Variants in OR9K2 observed in about 807,000 individuals in gnomAD.
OR9K2 encodes the protein olfactory receptor family 9 subfamily K member 2, also known as olfactory receptor 9K2.
In OR9K2, 16 loss-of-function variants were observed where a neutral mutation model predicts 12.4. The observed-to-expected ratio is 1.29, with a 90% CI of 0.87 to 1.95. The LOEUF is 1.95. Among genes scored for constraint, OR9K2 ranks in the 30% most tolerant of loss-of-function variants. OR9K2 has a pLI of 0.00. For missense variants in OR9K2, 434 were observed against 376.5 expected, an observed-to-expected ratio of 1.15 and a Z score of -1.26; for synonymous variants, 133 against 133.2, an observed-to-expected ratio of 1.00 and a Z score of 0.01.
At chr12:55,127,419 A>G (rs564957555) in intron 2 of OR9K2, among the ~76,000 whole-genome samples, 2 of 152,084 alleles carry the variant, frequency 1.3e-5, no homozygotes, top group African/African-American at 4.8e-5. Flanking sequence ...TGCTGACTTC[A>G]GTCAGCTTTC....
chr12:55,129,559 G>A, intron 2 of OR9K2: 2 of 538,780 alleles, frequency 3.7e-6, no homozygotes, highest in South Asian at 5.8e-5. Context: ...TTGGAAATGT[G>A]AAAGGCATTT....
rs1307181690 is a variant in OR9K2 at position 55,130,776 on chromosome 12, A to G, written c.942A>G (p.Ter314TrpextTer54). 4 of 1,490,392 alleles carry G rather than the reference A, an allele frequency of 2.7e-6. No individual in the cohort carries two copies. The South Asian group carries it at 4.9e-5, about 18-fold the overall frequency. The allele number at this position is 1,490,392 out of a possible 1,614,324, so 92.3% of individuals were successfully genotyped here. ...KFLEKKNIIL[*>W] is the part of the protein sequence containing the mutation. ...TAGAGAAGAAAAATATTATTCTTTG[A>G]TTATTATTTCTCTTTCACCAATTTT... The change falls in exon 3 of 3, where the codon TGA (stop) becomes TGG (tryptophan). Residue 314 changes from the stop codon to tryptophan (W), a stop_lost. Transcript: ENST00000641329.
At chr12:55,127,808 C>T (rs930765555) in intron 2 of OR9K2, among the ~76,000 whole-genome samples, 1 of 151,992 alleles carries the variant, frequency 6.6e-6, no homozygotes, top group Non-Finnish European at 1.5e-5. Context: ...TAATGGCTAA[C>T]ATTTACTGAA....
chr12:55,130,896 C>T lies in OR9K2; in HGVS notation c.*120C>T, dbSNP rs1390431945. 2 of 628,584 alleles carry T rather than the reference C, an allele frequency of 3.2e-6. No homozygotes were observed. The highest frequency in any genetic ancestry group is 3.2e-5 in the Admixed American group (1 of 31,716). The allele number at this position is 628,584 out of a possible 1,614,324, so 38.9% of individuals were successfully genotyped here. ...CTCTTAGATGTTTTCATGTGATGTG[C>T]TCTTTCCATATTTTACTTTTTTACC... is the stretch of plus-strand genomic sequence containing the variant. On this transcript the variant is annotated 3_prime_UTR_variant, in exon 3 of 3. Coordinates refer to ENST00000641329, the MANE Select transcript of OR9K2 (RefSeq NM_001005243.2).
chr12:55,128,398 T>C (rs1446107849), intron 2 of OR9K2, among the ~76,000 whole-genome samples: 2 of 151,572 alleles, frequency 1.3e-5, no homozygotes, highest in African/African-American at 4.8e-5. Context: ...TTAAAGTTGA[T>C]ATAGTACAGT....
rs1953474255 is a variant in OR9K2 at position 55,131,656 on chromosome 12, CT to C, written c.*884del. Reference sequence around the variant, plus strand: ...GGGCTCAGGGATAAATAACCTCATTCTTTTGAAAGTTTAAAAGTTAGTGAGA... The same window carrying C: ...GGGCTCAGGGATAAATAACCTCATTCTTTGAAAGTTTAAAAGTTAGTGAGA... On this transcript the variant is annotated 3_prime_UTR_variant, in exon 3 of 3. Coordinates refer to ENST00000641329, the MANE Select transcript of OR9K2 (RefSeq NM_001005243.2). 6.6e-6 allele frequency: 1 copy of C among 152,092 alleles called. No individual in the cohort carries two copies. The highest frequency in any genetic ancestry group is 1.9e-4 in the East Asian group (1 of 5,198). 9.4% of individuals were successfully genotyped at this position (152,092 alleles called of 1,614,324 possible).
chr12:55,130,709 C>T lies in OR9K2; in HGVS notation c.875C>T (p.Ser292Phe), dbSNP rs756566240. The change falls in exon 3 of 3, where the codon TCT becomes TTT. Residue 292 changes from serine to phenylalanine, a missense_variant. By Grantham distance (155) the Ser-to-Phe change is radical (BLOSUM62 -2). Coordinates refer to ENST00000641329, the MANE Select transcript of OR9K2 (RefSeq NM_001005243.2). ...VTPMLNPLIY[S>F]LRNKDVQEAL... ...CCCATGTTGAATCCTTTGATTTACTCTCTGAGGAACAAAGATGTCCAAGAG... is the reference window on the plus strand; with the variant it reads ...CCCATGTTGAATCCTTTGATTTACTTTCTGAGGAACAAAGATGTCCAAGAG... 3.7e-6 allele frequency: 6 copies of T among 1,609,394 alleles called. No individual in the cohort carries two copies. In the South Asian group the frequency reaches 5.5e-5, roughly 15 times the overall value.
chr12:55,129,788 G>A (rs759332106), intron 2 of OR9K2, 38 bp from the exon 3 acceptor site: 4 of 1,595,528 alleles, frequency 2.5e-6, no homozygotes, highest in Non-Finnish European at 3.4e-6. Context: ...TCCAAACCAA[G>A]AGTTCATTTG....
At position 55,131,186 on chromosome 12, in the gene OR9K2, T is replaced by A. The variant is rs1406016848; in HGVS notation, c.*410T>A. On this transcript the variant is annotated 3_prime_UTR_variant, in exon 3 of 3. Transcript: ENST00000641329. The stretch of plus-strand genomic sequence containing the variant: ...TAGTTGACAAAGATGCCCAGATTAT[T>A]TTTAAATAAAATATGTCTTTAATTT... 6.5e-6 allele frequency: 1 copy of A among 154,324 alleles called. No individual in the cohort carries two copies. Among genetic ancestry groups the A allele is most frequent in the African/African-American group, 2.4e-5 (1 of 41,492 alleles). The allele number at this position is 154,324 out of a possible 1,614,324, so 9.6% of individuals were successfully genotyped here. A position where few individuals can be genotyped will look rare whatever the true frequency, so the allele number is the denominator to read the frequency against.
rs374739232 is a variant in OR9K2 at position 55,128,807 on chromosome 12, T to C, written c.-9-1019T>C. Among the ~76,000 whole-genome samples, 4 of 152,258 alleles carry C rather than the reference T, an allele frequency of 2.6e-5. No homozygotes were observed. The East Asian group carries it at 5.8e-4, about 22-fold the overall frequency. On this transcript the variant is annotated intron_variant, in intron 2 of 2. Coordinates refer to ENST00000641329, the MANE Select transcript of OR9K2 (RefSeq NM_001005243.2). ...GTTGTATTCAGGGCAAATAAAAGTG[T>C]AATCAGCAATGCCCCCATATGTATC...
In OR9K2 at chr12:55,132,496, TCAA is replaced by T; in HGVS notation, c.*1724_*1726del. ...CACAGAACATCAGTCATGTGAAGAA[TCAA>T]CAAGAGGGCAGCCATCTGCAAGCTA... On this transcript the variant is annotated 3_prime_UTR_variant, in exon 3 of 3. Coordinates refer to ENST00000641329, the MANE Select transcript of OR9K2 (RefSeq NM_001005243.2). 6.6e-6 allele frequency: 1 copy of T among 152,330 alleles called. No individual in the cohort carries two copies. Among genetic ancestry groups the T allele is most frequent in the Middle Eastern group, 3.4e-3 (1 of 294 alleles). 9.4% of individuals were successfully genotyped at this position (152,330 alleles called of 1,614,324 possible).
chr12:55,130,264 T>G lies in OR9K2; in HGVS notation c.430T>G (p.Cys144Gly). The change falls in exon 3 of 3, where the codon TGT becomes GGT. Residue 144 changes from cysteine (C) to glycine (G), a missense_variant. Transcript: ENST00000641329. ...LYSVQMSTRL[C>G]TQLVAGSYFC... is the part of the protein sequence containing the mutation. ...CTCTGTTCAAATGTCCACACGTCTG[T>G]GTACTCAGTTGGTGGCTGGTTCCTA... The G allele has an allele frequency of 6.2e-7, 1 of 1,614,084 alleles. No homozygotes were observed. The highest frequency in any genetic ancestry group is 8.5e-7 in the Non-Finnish European group (1 of 1,179,980).
In OR9K2 at chr12:55,130,107, A is replaced by T. The variant is rs1177205301; in HGVS notation, c.273A>T (p.Glu91Asp). 1 of 1,613,486 alleles carries T rather than the reference A, an allele frequency of 6.2e-7. No individual in the cohort carries two copies. Among genetic ancestry groups the T allele is most frequent in the Non-Finnish European group, 8.5e-7 (1 of 1,179,970 alleles). ...AGGCTATGATCAACTTCTGGTCTGA[A>T]AACAAGTCTATCTCCTTTGCAGGCT... ...EPKAMINFWS[E>D]NKSISFAGCV... The change falls in exon 3 of 3, where the codon GAA becomes GAT. Residue 91 changes from glutamate (E) to aspartate (D), a missense_variant. Coordinates refer to ENST00000641329, the MANE Select transcript of OR9K2 (RefSeq NM_001005243.2).
At chr12:55,128,690 G>C (rs1378471048) in intron 2 of OR9K2, among the ~76,000 whole-genome samples, 4 of 152,068 alleles carry the variant, frequency 2.6e-5, no homozygotes, top group Non-Finnish European at 1.5e-5. Flanking sequence ...TGCACATAAA[G>C]CCCTTAGGAC....
At position 55,130,732 on chromosome 12, in the gene OR9K2, G is replaced by C; in HGVS notation, c.898G>C (p.Glu300Gln). ...CTCTCTGAGGAACAAAGATGTCCAA[G>C]AGGCTCTAAAAAAATTTCTAGAGAA... Reference protein sequence around the residue: ...IYSLRNKDVQEALKKFLEKKN... With the variant: ...IYSLRNKDVQQALKKFLEKKN... The change falls in exon 3 of 3, where the codon GAG becomes CAG. Residue 300 changes from glutamate to glutamine, a missense_variant. By Grantham distance (29) the Glu-to-Gln change is conservative. Coordinates refer to ENST00000641329, the MANE Select transcript of OR9K2 (RefSeq NM_001005243.2). The C allele has an allele frequency of 6.3e-7, 1 of 1,587,898 alleles. No homozygotes were observed. The highest frequency in any genetic ancestry group is 8.6e-7 in the Non-Finnish European group (1 of 1,168,384).
At chr12:55,127,719 T>C (rs1247215131) in intron 2 of OR9K2, among the ~76,000 whole-genome samples, 1 of 152,028 alleles carries the variant, frequency 6.6e-6, no homozygotes, top group East Asian at 1.9e-4. Context: ...AAAACGACCA[T>C]ATATATTATT....
rs1301349999 is a variant in OR9K2 at position 55,130,017 on chromosome 12, A to G, written c.183A>G (p.Pro61=). ...IIMTDPRLNT[P]MYFFLGNLSF... Reference sequence around the variant, plus strand: ...TGACTGATCCTCGGCTGAACACACCAATGTATTTTTTCCTAGGCAATCTCT... The same window carrying G: ...TGACTGATCCTCGGCTGAACACACCGATGTATTTTTTCCTAGGCAATCTCT... Residue 61 remains proline (P), a synonymous_variant, in exon 3 of 3, where the codon CCA becomes CCG. Transcript: ENST00000641329. 7.4e-6 allele frequency: 12 copies of G among 1,613,450 alleles called. No homozygotes were observed. The Admixed American group carries it at 1.5e-4, about 20-fold the overall frequency.
At position 55,132,396 on chromosome 12, in the gene OR9K2, C is replaced by T. The variant is rs760430476; in HGVS notation, c.*1620C>T. 3.7e-4 allele frequency: 56 copies of T among 152,190 alleles called. No individual in the cohort carries two copies. The highest frequency in any genetic ancestry group is 1.2e-3 in the African/African-American group (49 of 41,436). 9.4% of individuals were successfully genotyped at this position (152,190 alleles called of 1,614,324 possible). The stretch of plus-strand genomic sequence containing the variant: ...GTTAAAATAAGGCTGTAAGATAAAT[C>T]CTAATTCAGTATCATTTGTGTCCCT... On this transcript the variant is annotated 3_prime_UTR_variant, in exon 3 of 3. Transcript: ENST00000641329.
In OR9K2 at chr12:55,130,326, C is replaced by G. The variant is rs1371113731; in HGVS notation, c.492C>G (p.Ser164Arg). Residue 164 changes from serine (S) to arginine (R), a missense_variant, in exon 3 of 3, where the codon AGC (serine) becomes AGG (arginine). Coordinates refer to ENST00000641329, the MANE Select transcript of OR9K2 (RefSeq NM_001005243.2). ...GCATTAGCTCAGTTATTCAGACTAG[C>G]ATGACATTTACTTTATCTTTTTGCG... is the stretch of plus-strand genomic sequence containing the variant. ...CGCISSVIQT[S>R]MTFTLSFCAS... The G allele has an allele frequency of 1.2e-6, 2 of 1,614,026 alleles. No individual in the cohort carries two copies. Among genetic ancestry groups the G allele is most frequent in the East Asian group, 4.5e-5 (2 of 44,884 alleles).
Sources: allele counts gnomAD v4.1 joint callset (sites outside exome capture counted in the v4.1 genomes callset), GRCh38; gene constraint gnomAD v4.1.1; transcripts MANE v1.5; gene names NCBI Gene and HGNC (gene_info 2026-07-23, HGNC 2026-07-21).